The following TCF4 variants were observed in gnomAD, a reference collection of about 807,000 sequenced individuals.
TCF4 encodes the protein transcription factor 4.
A neutral mutation model predicts 82.1 loss-of-function variants in TCF4; 3 were observed. The ratio of observed to expected loss-of-function variants is 0.04; its 90% CI spans 0.02 to 0.09. TCF4 has a LOEUF of 0.09. Ranked by LOEUF, TCF4 falls within the 10% of genes least tolerant of loss-of-function variation. The pLI is 1.00. For missense variants in TCF4, 518 were observed against 852.7 expected (o/e 0.61, Z 4.89); for synonymous variants, 276 against 309.6 (o/e 0.89, Z 1.14).
intron 5 of TCF4, among the ~76,000 whole-genome samples, chr18:55,431,147 A>G (rs1463419141): frequency 6.6e-6 from 1 of 152,202 alleles, no homozygotes; most frequent in Admixed American, 6.5e-5. Context: ...GACATGGGGG[A>G]AAAAGGAGCC....
intron 2 of TCF4, among the ~76,000 whole-genome samples, chr18:55,609,359 T>C (rs1177948620): frequency 1.3e-5 from 2 of 152,184 alleles, no homozygotes; most frequent in East Asian, 3.9e-4. Context: ...GAGGCAATAG[T>C]CTAGGAGTGT....
intron 5 of TCF4, among the ~76,000 whole-genome samples, chr18:55,416,666 T>C (rs1223178058): frequency 6.6e-6 from 1 of 152,226 alleles, no homozygotes; most frequent in Non-Finnish European, 1.5e-5. Flanking sequence ...ATAAATAATA[T>C]GCCTCCTTTG....
chr18:55,503,261 C>G (rs1431176138), intron 3 of TCF4, among the ~76,000 whole-genome samples: 1 of 152,188 alleles, frequency 6.6e-6, no homozygotes, highest in Non-Finnish European at 1.5e-5. Flanking sequence ...ATTCTATCAT[C>G]ATGCATTCCT....
intron 3 of TCF4, among the ~76,000 whole-genome samples, chr18:55,516,180 T>A (rs1332840981): frequency 6.6e-6 from 1 of 152,116 alleles, no homozygotes; most frequent in Non-Finnish European, 1.5e-5. Flanking sequence ...TTTGGAAGTC[T>A]TGTTTGTTTA....
intron 3 of TCF4, among the ~76,000 whole-genome samples, chr18:55,555,886 A>C (rs1396895936): frequency 6.6e-6 from 1 of 152,182 alleles, no homozygotes; most frequent in Non-Finnish European, 1.5e-5. Context: ...GACCAAATAC[A>C]TCTATTTAGT....
chr18:55,330,848 T>A (rs559566403), intron 8 of TCF4, among the ~76,000 whole-genome samples: 8 of 152,358 alleles, frequency 5.3e-5, no homozygotes, highest in African/African-American at 1.7e-4. Flanking sequence ...ATTACAGACG[T>A]GAGCAACTGC....
At position 55,365,191 on chromosome 18, in the gene TCF4, A is replaced by ATATATATATGTG. The variant is rs1361444592; in HGVS notation, c.370-14189_370-14188insCACATATATATA. 5.0e-4 allele frequency among the ~76,000 whole-genome samples: 49 copies of ATATATATATGTG among 97,934 alleles called. 1 individual carries two copies. Among genetic ancestry groups the ATATATATATGTG allele is most frequent in the African/African-American group, 1.6e-3 (32 of 19,854 alleles). 64.2% of individuals were successfully genotyped at this position (97,934 alleles called of 152,430 possible). A position where few individuals can be genotyped will look rare whatever the true frequency, so the allele number is the denominator to read the frequency against. On this transcript the variant is annotated intron_variant, in intron 6 of 19. Coordinates refer to ENST00000354452, the MANE Select transcript of TCF4 (RefSeq NM_001083962.2). ...TATATATATATATATATATATATAT[A>ATATATATATGTG]TGTGTGTGTGTGTGTGTGTATATAT...
intron 6 of TCF4, among the ~76,000 whole-genome samples, chr18:55,362,598 A>T (rs1325706689): frequency 6.6e-6 from 1 of 152,194 alleles, no homozygotes; most frequent in Non-Finnish European, 1.5e-5. Context: ...GGTTTACTCA[A>T]TATTCACACA....
Position 55,450,498 on chromosome 18 carries a change from G to A in TCF4, c.304+10521C>T, listed in dbSNP as rs1048964902. Among the ~76,000 whole-genome samples, 7 of 152,238 alleles carry A rather than the reference G, an allele frequency of 4.6e-5. No homozygotes were observed. In the East Asian group the frequency reaches 1.4e-3, roughly 29 times the overall value. On this transcript the variant is annotated intron_variant, in intron 5 of 19. Coordinates refer to ENST00000354452, the MANE Select transcript of TCF4 (RefSeq NM_001083962.2). ...TTCCTAGGCCTCATATTCCGCAAAAGAAAAGAAAATGAGATCCACTGAACA... is the reference window on the plus strand; with the variant it reads ...TTCCTAGGCCTCATATTCCGCAAAAAAAAAGAAAATGAGATCCACTGAACA...
intron 3 of TCF4, among the ~76,000 whole-genome samples, chr18:55,546,568 T>C (rs1484334597): frequency 3.3e-5 from 5 of 152,120 alleles, no homozygotes; most frequent in African/African-American, 1.2e-4. Flanking sequence ...TTGTAGTGGA[T>C]TGTATTTCTA....
chr18:55,474,449 CTAAAT>C (rs1182013894), intron 3 of TCF4, among the ~76,000 whole-genome samples: 2 of 152,184 alleles, frequency 1.3e-5, no homozygotes, highest in Admixed American at 6.5e-5. Flanking sequence ...TATCCCCAAA[CTAAAT>C]AAAATAAATT....
intron 5 of TCF4, among the ~76,000 whole-genome samples, chr18:55,420,201 T>G (rs1330630522): frequency 6.6e-6 from 1 of 152,136 alleles, no homozygotes; most frequent in Admixed American, 6.5e-5. Context: ...GGAAACACTT[T>G]CAAAAACGTT....
intron 6 of TCF4, among the ~76,000 whole-genome samples, chr18:55,397,105 T>C (rs1046592747): frequency 2.6e-5 from 4 of 152,214 alleles, no homozygotes; most frequent in African/African-American, 9.6e-5. Context: ...TATTTGTTAA[T>C]TGCAGATGGG....
chr18:55,563,639 C>T (rs1431049570), intron 3 of TCF4, among the ~76,000 whole-genome samples: 2 of 152,216 alleles, frequency 1.3e-5, no homozygotes, highest in South Asian at 4.1e-4. Context: ...ATGGCCTTGG[C>T]CAGCCTAGGG....
At chr18:55,356,042 G>C (rs370288397) in intron 6 of TCF4, among the ~76,000 whole-genome samples, 2 of 152,068 alleles carry the variant, frequency 1.3e-5, no homozygotes, top group African/African-American at 4.8e-5. Flanking sequence ...CGTGTAAAAA[G>C]GGACTAATAA....
intron 6 of TCF4, chr18:55,400,755 G>T: frequency 3.4e-6 from 1 of 295,168 alleles, no homozygotes; most frequent in Non-Finnish European, 6.7e-6. Flanking sequence ...CTCCAGGACA[G>T]CGCTTTGCTA....
chr18:55,527,980 T>A (rs2097010041), intron 3 of TCF4, among the ~76,000 whole-genome samples: 1 of 152,320 alleles, frequency 6.6e-6, no homozygotes, highest in East Asian at 1.9e-4. Flanking sequence ...AGAGCTAAGA[T>A]ATTTGTACCT....
intron 1 of TCF4, chr18:55,631,481 A>G: frequency 7.2e-7 from 1 of 1,379,446 alleles, no homozygotes; most frequent in South Asian, 1.4e-5. Flanking sequence ...AGAAATGATA[A>G]TGTTTTGGGT....
chr18:55,389,301 A>G (rs1466924461), intron 6 of TCF4, among the ~76,000 whole-genome samples: 12 of 152,210 alleles, frequency 7.9e-5, no homozygotes, highest in Admixed American at 7.9e-4. Context: ...TGGAACAAGC[A>G]CTTCCTGGGT....
Sources: gnomAD v4.1 joint callset for allele counts (sites outside exome capture counted in the v4.1 genomes callset) on GRCh38, gnomAD v4.1.1 for gene constraint, MANE v1.5 for transcripts, NCBI Gene and HGNC (gene_info 2026-07-23, HGNC 2026-07-21) for gene names.